Variants in ALOX5AP observed in about 807,000 individuals in gnomAD.
ALOX5AP encodes the protein arachidonate 5-lipoxygenase-activating protein.
In ALOX5AP, 9 loss-of-function variants were observed where a neutral mutation model predicts 18.5. The observed-to-expected ratio is 0.49, with a 90% CI of 0.29 to 0.85. The LOEUF is 0.85. Among genes scored for constraint, ALOX5AP ranks in the 40% least tolerant of loss-of-function variants. ALOX5AP has a pLI of 0.08. For missense variants in ALOX5AP, 172 were observed against 202.5 expected, an observed-to-expected ratio of 0.85 and a Z score of 0.91; for synonymous variants, 81 against 78.6, an observed-to-expected ratio of 1.03 and a Z score of -0.16.
upstream of ALOX5AP, among the ~76,000 whole-genome samples, chr13:30,731,863 C>T (rs552022557): frequency 1.7e-4 from 26 of 152,370 alleles, no homozygotes; most frequent in South Asian, 4.3e-3. Flanking sequence ...TGCGGCCAGG[C>T]GGTCTTCTGC....
At chr13:30,728,525 T>C (rs1450004038) in intron 1 of ALOX5AP, among the ~76,000 whole-genome samples, 2 of 152,242 alleles carry the variant, frequency 1.3e-5, no homozygotes, top group Non-Finnish European at 2.9e-5. Context: ...CCCTGACTGA[T>C]ACAGAATATG....
At position 30,713,841 on chromosome 13, in the gene ALOX5AP, G is replaced by GGTGTGTGT. The variant is rs369636483; in HGVS notation, c.116+8_116+15dup. The stretch of plus-strand genomic sequence containing the variant: ...ATTGGGAACATAAGCCATCAGTGCT[G>GGTGTGTGT]GTGTGTGTGTGTGTGCGCGCACACG... On this transcript the variant is annotated frameshift_variant and splice_region_variant. Coordinates refer to the ALOX5AP transcript ENST00000617770. LOFTEE classifies it high-confidence loss of function. 8 of 1,438,598 alleles carry GGTGTGTGT rather than the reference G, an allele frequency of 5.6e-6. No homozygotes were observed. The highest frequency in any genetic ancestry group is 2.5e-5 in the South Asian group (2 of 81,154). 89.1% of individuals were successfully genotyped at this position (1,438,598 alleles called of 1,614,324 possible). A position where few individuals can be genotyped will look rare whatever the true frequency, so the allele number is the denominator to read the frequency against.
In ALOX5AP at chr13:30,748,798, C is replaced by G. The variant is rs1355528229; in HGVS notation, c.171-3254C>G. Reference sequence around the variant, plus strand: ...TCTCCATCCACCTCTTGTAGATGAGCAAACTGAGGCTCATTGAGGCTAGGA... The same window carrying G: ...TCTCCATCCACCTCTTGTAGATGAGGAAACTGAGGCTCATTGAGGCTAGGA... On this transcript the variant is annotated intron_variant, in intron 2 of 4. Coordinates refer to ENST00000380490, the MANE Select transcript of ALOX5AP (RefSeq NM_001629.4). Among the ~76,000 whole-genome samples, 3 of 152,160 alleles carry G rather than the reference C, an allele frequency of 2.0e-5. No homozygotes were observed. In the East Asian group the frequency reaches 5.8e-4, roughly 29 times the overall value.
rs1258866256 is a variant in ALOX5AP at position 30,723,434 on chromosome 13, T to C, written c.116+9593T>C. On this transcript the variant is annotated intron_variant, in intron 1 of 5. Coordinates refer to the ALOX5AP transcript ENST00000617770. Reference sequence around the variant, plus strand: ...ACCTTACCTTAGAGTCACAGATGAATGGTCCTATTACTTAACTACTGAAAA... The same window carrying C: ...ACCTTACCTTAGAGTCACAGATGAACGGTCCTATTACTTAACTACTGAAAA... Among the ~76,000 whole-genome samples the C allele has an allele frequency of 2.6e-5, 4 of 152,232 alleles. No homozygotes were observed. In the South Asian group the frequency reaches 6.2e-4, roughly 24 times the overall value.
At chr13:30,760,742 A>C (rs1951934649) in intron 4 of ALOX5AP, among the ~76,000 whole-genome samples, 1 of 152,186 alleles carries the variant, frequency 6.6e-6, no homozygotes, top group African/African-American at 2.4e-5. Flanking sequence ...ATAGGTTTAC[A>C]ATACGCCCCC....
In ALOX5AP at chr13:30,729,736, C is replaced by T. The variant is rs542816545; in HGVS notation, c.117-5815C>T. On this transcript the variant is annotated intron_variant, in intron 1 of 5. Transcript: ENST00000617770. ...GGATTGTAGGCGTGCACCACTATGCCCATCTAATTTTTGTATTTTTAGTAG... is the reference window on the plus strand; with the variant it reads ...GGATTGTAGGCGTGCACCACTATGCTCATCTAATTTTTGTATTTTTAGTAG... 1.3e-5 allele frequency among the ~76,000 whole-genome samples: 2 copies of T among 152,100 alleles called. 1 individual carries two copies. Among genetic ancestry groups the T allele is most frequent in the Non-Finnish European group, 2.9e-5 (2 of 68,022 alleles).
In ALOX5AP at chr13:30,752,117, G is replaced by A. The variant is rs1257896637; in HGVS notation, c.236G>A (p.Ser79Asn). Residue 79 changes from serine to asparagine, a missense_variant, in exon 3 of 5, where the codon AGC (serine) becomes AAC (asparagine). Coordinates refer to ENST00000380490, the MANE Select transcript of ALOX5AP (RefSeq NM_001629.4). ...CTCTGGTCTGCGGGGCTACTTTGCA[G>A]CCAAGGTAACTCAGACTTCCCTTTG... ...AVLWSAGLLC[S>N]QVPAAFAGLM... 1.9e-6 allele frequency: 3 copies of A among 1,614,088 alleles called. No homozygotes were observed. The highest frequency in any genetic ancestry group is 2.2e-5 in the South Asian group (2 of 91,070).
At chr13:30,725,260 C>A (rs1437286438) in intron 1 of ALOX5AP, among the ~76,000 whole-genome samples, 3 of 152,220 alleles carry the variant, frequency 2.0e-5, no homozygotes, top group African/African-American at 7.2e-5. Context: ...GGGGAAGAGG[C>A]ATATGGATAC....
upstream of ALOX5AP, among the ~76,000 whole-genome samples, chr13:30,734,351 T>C (rs1951704225): frequency 6.6e-6 from 1 of 152,164 alleles, no homozygotes; most frequent in Non-Finnish European, 1.5e-5. Flanking sequence ...GAGCAATATC[T>C]TCCCCTACAC....
At chr13:30,715,905 T>C (rs1417987711) in intron 1 of ALOX5AP, among the ~76,000 whole-genome samples, 2 of 152,166 alleles carry the variant, frequency 1.3e-5, no homozygotes, top group Non-Finnish European at 2.9e-5. Flanking sequence ...TAGTAAAATA[T>C]CAGCACTTAA....
chr13:30,713,718 A>T, exon 1 of ALOX5AP: 1 of 1,519,824 alleles, frequency 6.6e-7, no homozygotes, highest in Admixed American at 2.0e-5. Context: ...AAGTCAACAG[A>T]AACAAAAATG....
intron 3 of ALOX5AP, among the ~76,000 whole-genome samples, chr13:30,755,281 G>C (rs1951884113): frequency 6.6e-6 from 1 of 152,226 alleles, no homozygotes; most frequent in South Asian, 2.1e-4. Context: ...TTCAAGAAAG[G>C]TTAAACATTG....
At chr13:30,720,327 T>C (rs1446188285) in intron 1 of ALOX5AP, among the ~76,000 whole-genome samples, 1 of 152,226 alleles carries the variant, frequency 6.6e-6, no homozygotes, top group Non-Finnish European at 1.5e-5. Flanking sequence ...GCAATGTAAA[T>C]TGTATTATCT....
At chr13:30,760,635 T>G (rs993421670) in intron 4 of ALOX5AP, among the ~76,000 whole-genome samples, 1 of 152,234 alleles carries the variant, frequency 6.6e-6, no homozygotes, top group African/African-American at 2.4e-5. Flanking sequence ...GATTCTGGCC[T>G]CACACAGGCA....
At chr13:30,742,023 A>G (rs1951770661) in intron 1 of ALOX5AP, among the ~76,000 whole-genome samples, 1 of 151,874 alleles carries the variant, frequency 6.6e-6, no homozygotes, top group Admixed American at 6.6e-5. Flanking sequence ...GGTGTATTAA[A>G]CCCTGTGGAG....
At chr13:30,713,823 A>G (rs928552821) in exon 1 of ALOX5AP, 1 of 1,532,808 alleles carries the variant, frequency 6.5e-7, no homozygotes, top group African/African-American at 1.4e-5. Flanking sequence ...CACATTGGGA[A>G]CATAAGCCAT....
chr13:30,728,865 CA>C (rs1459638166), intron 1 of ALOX5AP, among the ~76,000 whole-genome samples: 1 of 152,052 alleles, frequency 6.6e-6, no homozygotes, highest in Non-Finnish European at 1.5e-5. Context: ...AACAAACAAA[CA>C]AAAAAGAAAC....
At chr13:30,731,009 G>A (rs919082855), upstream of ALOX5AP, among the ~76,000 whole-genome samples, 1 of 152,142 alleles carries the variant, frequency 6.6e-6, no homozygotes, top group East Asian at 1.9e-4. Flanking sequence ...TACGGAGAGC[G>A]CTGGGAGCAG....
At position 30,725,767 on chromosome 13, in the gene ALOX5AP, T is replaced by C. The variant is rs548599816; in HGVS notation, c.117-9784T>C. 2.0e-5 allele frequency among the ~76,000 whole-genome samples: 3 copies of C among 152,346 alleles called. 1 individual carries two copies. The highest frequency in any genetic ancestry group is 7.2e-5 in the African/African-American group (3 of 41,574). On this transcript the variant is annotated intron_variant, in intron 1 of 5. Coordinates refer to the ALOX5AP transcript ENST00000617770. Reference sequence around the variant, plus strand: ...TTATAAAATTTCAACCACCATTGCTTCTGACCAAGGAAGTAATCTTACAGC... The same window carrying C: ...TTATAAAATTTCAACCACCATTGCTCCTGACCAAGGAAGTAATCTTACAGC...
Sources: allele counts gnomAD v4.1 joint callset (sites outside exome capture counted in the v4.1 genomes callset), GRCh38; gene constraint gnomAD v4.1.1; transcripts MANE v1.5; gene names NCBI Gene and HGNC (gene_info 2026-07-23, HGNC 2026-07-21).